The following ST6GAL2 variants were observed in gnomAD, a reference collection of about 807,000 sequenced individuals.
ST6GAL2 encodes the protein beta-galactoside alpha-2,6-sialyltransferase 2.
In ST6GAL2, 24 loss-of-function variants were observed where a neutral mutation model predicts 37.5. The ratio of observed to expected loss-of-function variants is 0.64; its 90% CI spans 0.46 to 0.90. The LOEUF (loss-of-function observed/expected upper bound fraction) is 0.90, where lower values mean the gene tolerates loss of function less well. ST6GAL2 is among the 40% of genes least tolerant of loss of function. The probability of loss-of-function intolerance (pLI) is 0.00; values close to 1 mark genes in which losing one functional copy is unlikely to be tolerated. For missense variants in ST6GAL2, 715 were observed against 712.7 expected (o/e 1.00, Z -0.04); for synonymous variants, 306 against 295.1 (o/e 1.04, Z -0.38).
rs150046825 is a variant in ST6GAL2 at position 106,881,776 on chromosome 2, C to T, written c.-58+4317G>A. 6.2e-3 allele frequency among the ~76,000 whole-genome samples: 941 copies of T among 152,276 alleles called. 15 individuals are homozygous for T. The highest frequency in any genetic ancestry group is 0.022 in the African/African-American group (897 of 41,558). ...TCGGGCTCAAACAGTAGAAGCAGCCCAGAGTAGAACTTAGTGTGAATTATA... is the reference window on the plus strand; with the variant it reads ...TCGGGCTCAAACAGTAGAAGCAGCCTAGAGTAGAACTTAGTGTGAATTATA... On this transcript the variant is annotated intron_variant, in intron 1 of 5. Coordinates refer to ENST00000409382, the MANE Select transcript of ST6GAL2 (RefSeq NM_001142351.2).
At chr2:106,851,398 G>C (rs1573276639) in intron 1 of ST6GAL2, among the ~76,000 whole-genome samples, 1 of 152,208 alleles carries the variant, frequency 6.6e-6, no homozygotes, top group Admixed American at 6.5e-5. Flanking sequence ...GCACAAAAGA[G>C]TGTTTAAATT....
At chr2:106,813,289 G>C in intron 5 of ST6GAL2, 1 of 1,176,818 alleles carries the variant, frequency 8.5e-7, no homozygotes, top group Non-Finnish European at 1.1e-6. Context: ...TGACTCAAGA[G>C]GCATTCATTT....
intron 5 of ST6GAL2, among the ~76,000 whole-genome samples, chr2:106,809,091 C>T (rs928466732): frequency 1.2e-4 from 18 of 152,202 alleles, no homozygotes; most frequent in African/African-American, 3.6e-4. Context: ...CTGAAGTTTT[C>T]CCAGAGCCTG....
chr2:106,820,698 G>A (rs978927072), intron 5 of ST6GAL2, among the ~76,000 whole-genome samples: 1 of 151,934 alleles, frequency 6.6e-6, no homozygotes, highest in Admixed American at 6.6e-5. Context: ...CTCAGCACCT[G>A]GGTAATTCTC....
chr2:106,847,477 C>A (rs1677189034), intron 1 of ST6GAL2, among the ~76,000 whole-genome samples: 1 of 152,228 alleles, frequency 6.6e-6, no homozygotes, highest in Non-Finnish European at 1.5e-5. Flanking sequence ...AATTCTGACA[C>A]TTGCTACTGG....
chr2:106,881,922 C>T (rs567500233), intron 1 of ST6GAL2, among the ~76,000 whole-genome samples: 73 of 152,178 alleles, frequency 4.8e-4, no homozygotes, highest in Admixed American at 9.8e-4. Context: ...TGAACTTGCT[C>T]TCCTTACCAA....
At chr2:106,850,164 G>A (rs1053719905) in intron 1 of ST6GAL2, among the ~76,000 whole-genome samples, 2 of 152,088 alleles carry the variant, frequency 1.3e-5, no homozygotes, top group Admixed American at 6.5e-5. Flanking sequence ...AACTACCCTT[G>A]TTTGTCATGG....
intron 3 of ST6GAL2, among the ~76,000 whole-genome samples, chr2:106,832,870 A>G (rs995884696): frequency 1.3e-5 from 2 of 152,158 alleles, no homozygotes; most frequent in Non-Finnish European, 2.9e-5. Context: ...TTTTTAAAAA[A>G]AAGCACAAGT....
chr2:106,854,377 T>C (rs1248915143), intron 1 of ST6GAL2, among the ~76,000 whole-genome samples: 1 of 152,198 alleles, frequency 6.6e-6, no homozygotes, highest in East Asian at 1.9e-4. Flanking sequence ...AGTAATGTGC[T>C]TAGCACTGTG....
Position 106,805,351 on chromosome 2 carries a change from T to A in ST6GAL2, c.*1327A>T, listed in dbSNP as rs1221960935. On this transcript the variant is annotated 3_prime_UTR_variant, in exon 6 of 6. Coordinates refer to ENST00000409382, the MANE Select transcript of ST6GAL2 (RefSeq NM_001142351.2). Reference sequence around the variant, plus strand: ...TAAGGTATTACAGAATGTTTCTGTTTCACTATATTCATAGCAAAAATTTTT... The same window carrying A: ...TAAGGTATTACAGAATGTTTCTGTTACACTATATTCATAGCAAAAATTTTT... 6.6e-6 allele frequency: 1 copy of A among 152,226 alleles called. No individual in the cohort carries two copies. Among genetic ancestry groups the A allele is most frequent in the African/African-American group, 2.4e-5 (1 of 41,454 alleles). The allele number at this position is 152,226 out of a possible 1,614,324, so 9.4% of individuals were successfully genotyped here.
rs1427783527 is a variant in ST6GAL2 at position 106,813,149 on chromosome 2, G to C, written c.1319-6200C>G. ...TTTTTTTGAGATGGAGTCTCACTCT[G>C]TCGTCCAGGCTGGAGTGCAGTCGCG... On this transcript the variant is annotated intron_variant, in intron 5 of 5. Coordinates refer to ENST00000409382, the MANE Select transcript of ST6GAL2 (RefSeq NM_001142351.2). 3 of 1,221,000 alleles carry C rather than the reference G, an allele frequency of 2.5e-6. No individual in the cohort carries two copies. The East Asian group carries it at 9.6e-5, about 39-fold the overall frequency. The allele number at this position is 1,221,000 out of a possible 1,614,324, so 75.6% of individuals were successfully genotyped here. A position where few individuals can be genotyped will look rare whatever the true frequency, so the allele number is the denominator to read the frequency against.
intron 1 of ST6GAL2, among the ~76,000 whole-genome samples, chr2:106,871,659 AC>A (rs920276730): frequency 1.3e-5 from 2 of 152,116 alleles, no homozygotes; most frequent in Non-Finnish European, 1.5e-5. Flanking sequence ...ACACAAACCC[AC>A]AAATTAGCCT....
chr2:106,842,024 A>G (rs1407110975), intron 2 of ST6GAL2, among the ~76,000 whole-genome samples: 1 of 152,122 alleles, frequency 6.6e-6, no homozygotes, highest in Non-Finnish European at 1.5e-5. Context: ...GACGACTCTC[A>G]AAATGCAGGT....
intron 1 of ST6GAL2, among the ~76,000 whole-genome samples, chr2:106,851,764 T>A (rs1231425081): frequency 2.6e-5 from 4 of 152,074 alleles, no homozygotes; most frequent in African/African-American, 9.7e-5. Flanking sequence ...CTCACGTCCT[T>A]TTTTTGTGTC....
intron 1 of ST6GAL2, among the ~76,000 whole-genome samples, chr2:106,873,601 G>C (rs1275542434): frequency 6.6e-6 from 1 of 152,204 alleles, no homozygotes; most frequent in Non-Finnish European, 1.5e-5. Flanking sequence ...ATTATTTACT[G>C]ATTACACATG....
At chr2:106,851,979 C>G (rs1381021419) in intron 1 of ST6GAL2, among the ~76,000 whole-genome samples, 1 of 152,052 alleles carries the variant, frequency 6.6e-6, no homozygotes, top group Non-Finnish European at 1.5e-5. Flanking sequence ...GAGGAAGATA[C>G]CTCCCTCAGC....
At chr2:106,842,917 C>G in intron 2 of ST6GAL2, 118 bp downstream of exon 2, 2 of 632,636 alleles carry the variant, frequency 3.2e-6, no homozygotes, top group Admixed American at 8.7e-5. Flanking sequence ...TTAGGAACAC[C>G]TGGTGCGGAG....
rs746676701 is a variant in ST6GAL2, at chr2:106,843,969, T to C, written c.9A>G (p.Pro3=). Reference sequence around the variant, plus strand: ...TTCGTTGTCTCCATTGCTTCAAGTGTGGTTTCATGGCAGGTCTCTGCGGTC... The same window carrying C: ...TTCGTTGTCTCCATTGCTTCAAGTGCGGTTTCATGGCAGGTCTCTGCGGTC... MK[P]HLKQWRQRML... The change falls in exon 2 of 6, where the codon CCA becomes CCG. Residue 3 remains proline, a synonymous_variant. Coordinates refer to ENST00000409382, the MANE Select transcript of ST6GAL2 (RefSeq NM_001142351.2). 2 of 1,574,706 alleles carry C rather than the reference T, an allele frequency of 1.3e-6. No homozygotes were observed. The highest frequency in any genetic ancestry group is 3.4e-5 in the Admixed American group (2 of 58,752).
At chr2:106,862,554 G>A (rs1677846393) in intron 1 of ST6GAL2, among the ~76,000 whole-genome samples, 1 of 151,990 alleles carries the variant, frequency 6.6e-6, no homozygotes, top group South Asian at 2.1e-4. Context: ...AAATGTTCTG[G>A]CTCTCTCAGA....
Sources: allele counts gnomAD v4.1 joint callset (sites outside exome capture counted in the v4.1 genomes callset), GRCh38; gene constraint gnomAD v4.1.1; transcripts MANE v1.5; gene names NCBI Gene and HGNC (gene_info 2026-07-23, HGNC 2026-07-21).